ZDHHC11B: variants seen among roughly 807,000 people sequenced by gnomAD.
The protein encoded by ZDHHC11B is zDHHC palmitoyltransferase 11B (putative), also known as probable palmitoyltransferase ZDHHC11B.
In ZDHHC11B, 17 loss-of-function variants were observed where a neutral mutation model predicts 42.3. The observed-to-expected ratio is 0.40, with a 90% CI of 0.27 to 0.60. ZDHHC11B has a LOEUF of 0.60. Ranked by LOEUF, ZDHHC11B falls within the 20% of genes least tolerant of loss-of-function variation. ZDHHC11B has a pLI of 0.41. For synonymous variants in ZDHHC11B, 123 were observed against 193.5 expected (o/e 0.64, Z 3.02); for missense variants, 262 against 463.2 (o/e 0.57, Z 3.99).
chr5:774,437 CTCACTAGGACCAGGGGCCTGTCAG>C (rs1227937567), intron 1 of ZDHHC11B, among the ~76,000 whole-genome samples: 1 of 152,096 alleles, frequency 6.6e-6, no homozygotes, highest in East Asian at 1.9e-4. Context: ...CCAGGGGGTT[CTCACTAGGACCAGGGGCCTGTCAG>C]TCACTAGGGC....
intron 1 of ZDHHC11B, among the ~76,000 whole-genome samples, chr5:777,133 C>T (rs944845405): frequency 1.3e-5 from 2 of 151,924 alleles, no homozygotes; most frequent in African/African-American, 2.4e-5. Context: ...CCTGGAGTTT[C>T]TTCCTTCAGA....
chr5:784,579 C>T (rs1489401506), intron 1 of ZDHHC11B, among the ~76,000 whole-genome samples, 89 bp downstream of exon 1: 2 of 152,178 alleles, frequency 1.3e-5, no homozygotes, highest in Non-Finnish European at 2.9e-5. Context: ...GGCTGCGGCG[C>T]AGGTGGCTGC....
intron 4 of ZDHHC11B, among the ~76,000 whole-genome samples, chr5:759,974 C>A (rs1734378901): frequency 6.6e-6 from 1 of 151,924 alleles, no homozygotes; most frequent in Admixed American, 6.6e-5. Flanking sequence ...GGGATGCCGT[C>A]CTGAGCCCAG....
intron 10 of ZDHHC11B, among the ~76,000 whole-genome samples, chr5:734,350 G>A (rs1227934361): frequency 1.0e-5 from 1 of 98,346 alleles, no homozygotes; most frequent in African/African-American, 5.9e-5. Context: ...TCTCAAAAGT[G>A]CCACCTCCTG....
At chr5:774,540 GCC>G (rs112327006) in intron 1 of ZDHHC11B, among the ~76,000 whole-genome samples, 1 of 112,214 alleles carries the variant, frequency 8.9e-6, no homozygotes, top group Non-Finnish European at 1.8e-5. Context: ...CCAGGGGTCT[GCC>G]CCTTGAGCCT....
chr5:758,685 C>A (rs1734179145), intron 4 of ZDHHC11B, among the ~76,000 whole-genome samples: 1 of 151,726 alleles, frequency 6.6e-6, no homozygotes, highest in South Asian at 2.1e-4. Flanking sequence ...CTCCCCCCCA[C>A]CAAGATTCCA....
Position 741,623 on chromosome 5 carries a change from T to A in ZDHHC11B, c.906A>T (p.Gly302=). The A allele has an allele frequency of 2.0e-6, 3 of 1,464,664 alleles. No individual in the cohort carries two copies. Among genetic ancestry groups the A allele is most frequent in the Non-Finnish European group, 2.8e-6 (3 of 1,071,688 alleles). The allele number at this position is 1,464,664 out of a possible 1,614,324, so 90.7% of individuals were successfully genotyped here. Residue 302 remains glycine, a synonymous_variant, in exon 10 of 14, where the codon GGA becomes GGT. Transcript: ENST00000508859. ...GTGCAGATGAGCCCAGGGCGCCAGC[T>A]CCTTGCTGTGGGGCAAAAGAAAATT... ...VQMDKGFLQQ[G]AGALGSSAQG...
chr5:751,704 T>C (rs1809934), intron 6 of ZDHHC11B, among the ~76,000 whole-genome samples: 3,237 of 124,266 alleles, frequency 0.026, 149 homozygotes, highest in African/African-American at 0.083. Flanking sequence ...CTCCCGACCA[T>C]GCCTGGAAGC....
intron 11 of ZDHHC11B, among the ~76,000 whole-genome samples, chr5:730,925 C>A (rs1211298895): frequency 5.3e-5 from 8 of 152,010 alleles, no homozygotes; most frequent in African/African-American, 1.9e-4. Flanking sequence ...ACCAACCCTG[C>A]AGACACTGTG....
intron 12 of ZDHHC11B, among the ~76,000 whole-genome samples, chr5:729,540 CTG>C (rs1319991512): frequency 9.3e-6 from 1 of 107,198 alleles, no homozygotes; most frequent in Non-Finnish European, 2.0e-5. Flanking sequence ...GAGAGTGTGA[CTG>C]TGTGCGAGTG....
chr5:770,307 C>G (rs1288888020), intron 1 of ZDHHC11B, among the ~76,000 whole-genome samples: 3 of 149,998 alleles, frequency 2.0e-5, no homozygotes, highest in African/African-American at 7.3e-5. Flanking sequence ...CACGCATGTC[C>G]AGCCCCGGGC....
rs1475009040 is a variant in ZDHHC11B, at chr5:710,834, G to A, written c.*1456C>T. 3.4e-5 allele frequency: 5 copies of A among 146,188 alleles called. No homozygotes were observed. Among genetic ancestry groups the A allele is most frequent in the Admixed American group, 7.0e-5 (1 of 14,256 alleles). The allele number at this position is 146,188 out of a possible 1,614,324, so 9.1% of individuals were successfully genotyped here. A position where few individuals can be genotyped will look rare whatever the true frequency, so the allele number is the denominator to read the frequency against. On this transcript the variant is annotated 3_prime_UTR_variant, in exon 14 of 14. Transcript: ENST00000508859. ...CTGTGCTCCCATTTCCCAGTACTGT[G>A]AGCTCCCATTTCCCAGTACTGTGAG...
rs1192131546 is a variant in ZDHHC11B at position 751,572 on chromosome 5, CAGAG to C, written c.504-319_504-316del. On this transcript the variant is annotated intron_variant, in intron 6 of 13. Transcript: ENST00000508859. ...GGGCATGCAGGGCAGGTGGGGGGTG[CAGAG>C]GCAGGGATGGGGACGCGCAGGGCAT... Among the ~76,000 whole-genome samples, 349 of 81,044 alleles carry C rather than the reference CAGAG, an allele frequency of 4.3e-3. 23 individuals carry two copies. The highest frequency in any genetic ancestry group is 5.8e-3 in the Non-Finnish European group (230 of 39,838). The allele number at this position is 81,044 out of a possible 152,430, so 53.2% of individuals were successfully genotyped here. A position where few individuals can be genotyped will look rare whatever the true frequency, so the allele number is the denominator to read the frequency against.
chr5:748,907 T>C (rs144959077), intron 7 of ZDHHC11B, among the ~76,000 whole-genome samples: 5,393 of 113,248 alleles, frequency 0.048, 399 homozygotes, highest in African/African-American at 0.13. Flanking sequence ...TCCTAAGTGC[T>C]GGGGTCACAG....
In ZDHHC11B at chr5:715,534, G is replaced by C. The variant is rs553194994; in HGVS notation, c.*7+1267C>G. Among the ~76,000 whole-genome samples, 8 of 150,808 alleles carry C rather than the reference G, an allele frequency of 5.3e-5. No homozygotes were observed. In the South Asian group the frequency reaches 1.7e-3, roughly 32 times the overall value. On this transcript the variant is annotated intron_variant, in intron 13 of 13. Transcript: ENST00000508859. ...AAAGATTTTAATTTTGCAACTTCAT[G>C]GTCAGTTTCTTGCAATCTTTCCACA...
chr5:749,695 G>T lies in ZDHHC11B; in HGVS notation c.629-1136C>A, dbSNP rs588032. ...CTCACACAAAGACACTGGCACTGCC[G>T]TGTGGAAGCAGCATGTTCCAGGAGA... On this transcript the variant is annotated intron_variant, in intron 7 of 13. Coordinates refer to ENST00000508859, the MANE Select transcript of ZDHHC11B (RefSeq NM_001351303.2). Among the ~76,000 whole-genome samples, 2 of 125,102 alleles carry T rather than the reference G, an allele frequency of 1.6e-5. 1 individual carries two copies. The allele number at this position is 125,102 out of a possible 152,430, so 82.1% of individuals were successfully genotyped here. A position where few individuals can be genotyped will look rare whatever the true frequency, so the allele number is the denominator to read the frequency against.
intron 12 of ZDHHC11B, among the ~76,000 whole-genome samples, chr5:726,130 A>G (rs1484148456): frequency 3.3e-5 from 5 of 150,750 alleles, no homozygotes; most frequent in African/African-American, 1.2e-4. Flanking sequence ...ATCCACCACT[A>G]GAGACACTAT....
chr5:756,898 TCCAGACTCTCTCAGGGAGC>T (rs2127135812), intron 4 of ZDHHC11B, among the ~76,000 whole-genome samples: 1 of 151,598 alleles, frequency 6.6e-6, no homozygotes, highest in African/African-American at 2.4e-5. Flanking sequence ...ATTCAGGGAC[TCCAGACTCTCTCAGGGAGC>T]CCAGACTCAC....
In ZDHHC11B at chr5:710,764, G is replaced by T. The variant is rs1422290779; in HGVS notation, c.*1526C>A. On this transcript the variant is annotated 3_prime_UTR_variant, in exon 14 of 14. Transcript: ENST00000508859. ...CCAATGCTATGCTCCATTTCCCAGTGCTGTGAGCTCCCATTTCCCAGTACT... is the reference window on the plus strand; with the variant it reads ...CCAATGCTATGCTCCATTTCCCAGTTCTGTGAGCTCCCATTTCCCAGTACT... The T allele has an allele frequency of 7.1e-6, 1 of 141,728 alleles. No individual in the cohort carries two copies. The highest frequency in any genetic ancestry group is 1.5e-5 in the Non-Finnish European group (1 of 65,766). 8.8% of individuals were successfully genotyped at this position (141,728 alleles called of 1,614,324 possible). A position where few individuals can be genotyped will look rare whatever the true frequency, so the allele number is the denominator to read the frequency against.
Sources: allele counts gnomAD v4.1 joint callset (sites outside exome capture counted in the v4.1 genomes callset), GRCh38; gene constraint gnomAD v4.1.1; transcripts MANE v1.5; gene names NCBI Gene and HGNC (gene_info 2026-07-23, HGNC 2026-07-21).